The following ERBB4 variants were observed in gnomAD, a reference collection of about 807,000 sequenced individuals.
The protein encoded by ERBB4 is receptor tyrosine-protein kinase erbB-4.
ERBB4 carries 42 observed loss-of-function variants against 158.0 expected under a neutral mutation model. The ratio of observed to expected loss-of-function variants is 0.27; its 90% confidence interval spans 0.21 to 0.34. The LOEUF (loss-of-function observed/expected upper bound fraction) is 0.34. Among genes scored for constraint, ERBB4 ranks in the 10% least tolerant of loss-of-function variants. The pLI, the probability that ERBB4 is intolerant of heterozygous loss-of-function variation, is 1.00. For synonymous variants in ERBB4, 583 were observed against 558.7 expected (o/e 1.04, Z -0.61); for missense variants, 1,333 against 1,624.1 (o/e 0.82, Z 3.08).
chr2:211,602,310 G>A (rs969652449), intron 19 of ERBB4, among the ~76,000 whole-genome samples: 2 of 152,044 alleles, frequency 1.3e-5, no homozygotes, highest in South Asian at 4.1e-4. Context: ...CAGTGCAGGT[G>A]CTTGGACTCT....
chr2:212,527,231 TAG>T (rs1348749970), intron 1 of ERBB4, among the ~76,000 whole-genome samples: 1 of 151,868 alleles, frequency 6.6e-6, no homozygotes, highest in Admixed American at 6.6e-5. Flanking sequence ...TACTCATATT[TAG>T]AGAGAAAATA....
chr2:212,183,222 C>G (rs1014761489), intron 1 of ERBB4, among the ~76,000 whole-genome samples: 6 of 151,822 alleles, frequency 4.0e-5, no homozygotes, highest in Non-Finnish European at 8.8e-5. Flanking sequence ...ACCATAGACA[C>G]TTGAGGTTGT....
At chr2:212,035,577 C>T (rs562444833) in intron 2 of ERBB4, among the ~76,000 whole-genome samples, 1 of 152,300 alleles carries the variant, frequency 6.6e-6, no homozygotes, top group Non-Finnish European at 1.5e-5. Context: ...ACTCTTCACC[C>T]ATGTCACACT....
At chr2:211,436,120 C>T (rs573809432) in intron 20 of ERBB4, among the ~76,000 whole-genome samples, 38 of 152,198 alleles carry the variant, frequency 2.5e-4, no homozygotes, top group African/African-American at 8.2e-4. Context: ...CTGCATCCAG[C>T]CACTTGAAGT....
intron 5 of ERBB4, among the ~76,000 whole-genome samples, chr2:211,729,456 A>G (rs951379395): frequency 2.4e-4 from 36 of 151,830 alleles, no homozygotes; most frequent in African/African-American, 8.5e-4. Context: ...GTAGGCAAAA[A>G]GAACAAAACA....
intron 2 of ERBB4, among the ~76,000 whole-genome samples, chr2:211,992,564 A>AG (rs770115021): frequency 0.01 from 688 of 68,258 alleles, 14 homozygotes; most frequent in Non-Finnish European, 0.016. Context: ...AGAGAGAGAG[A>AG]GAGAAAAAAA....
At chr2:212,518,198 GATAAGCACA>G (rs1262981301) in intron 1 of ERBB4, among the ~76,000 whole-genome samples, 4 of 151,972 alleles carry the variant, frequency 2.6e-5, no homozygotes, top group African/African-American at 9.7e-5. Flanking sequence ...TGATTTTCTA[GATAAGCACA>G]ATAAGCACAC....
chr2:211,773,637 T>TA (rs2075790759), intron 4 of ERBB4, among the ~76,000 whole-genome samples: 1 of 91,764 alleles, frequency 1.1e-5, no homozygotes, highest in Admixed American at 1.2e-4. Context: ...TATATATATA[T>TA]ATATATATAT....
At chr2:211,947,312 T>C (rs1003178126) in intron 3 of ERBB4, 118 bp downstream of exon 3, 9 of 815,814 alleles carry the variant, frequency 1.1e-5, no homozygotes, top group African/African-American at 3.4e-5. Context: ...AATAAATCAC[T>C]GATATTTAAA....
At chr2:211,396,791 T>A in intron 25 of ERBB4, among the ~76,000 whole-genome samples, 1 of 152,194 alleles carries the variant, frequency 6.6e-6, no homozygotes, top group Admixed American at 6.6e-5. Flanking sequence ...TGAAAATATC[T>A]TCAGTTATGC....
intron 12 of ERBB4, among the ~76,000 whole-genome samples, chr2:211,683,639 A>G (rs901557467): frequency 6.6e-6 from 1 of 152,032 alleles, no homozygotes; most frequent in African/African-American, 2.4e-5. Flanking sequence ...GGCTACTATA[A>G]ACATTTGTGT....
At position 212,186,270 on chromosome 2, in the gene ERBB4, A is replaced by C. The variant is rs140366096; in HGVS notation, c.83-61367T>G. On this transcript the variant is annotated intron_variant, in intron 1 of 27. Coordinates refer to ENST00000342788, the MANE Select transcript of ERBB4 (RefSeq NM_005235.3). ...CTACCTTGTGCCATCTTTGTTAAGC[A>C]ATCTCCGTTCTTGGCTGCCCACATT... Among the ~76,000 whole-genome samples, 71 of 152,248 alleles carry C rather than the reference A, an allele frequency of 4.7e-4. No individual in the cohort carries two copies. The South Asian group carries it at 0.014, about 29-fold the overall frequency.
In ERBB4 at chr2:211,381,110, T is replaced by C. The variant is rs1005226875; in HGVS notation, c.*2505A>G. ...GATAGGAGAGCCCTGAGCTATTAGA[T>C]TGTGGCCCCTGAATCACTCTGTGTC... On this transcript the variant is annotated 3_prime_UTR_variant, in exon 28 of 28. Coordinates refer to ENST00000342788, the MANE Select transcript of ERBB4 (RefSeq NM_005235.3). The C allele has an allele frequency of 1.3e-5, 3 of 232,392 alleles. No homozygotes were observed. Among genetic ancestry groups the C allele is most frequent in the East Asian group, 6.1e-5 (1 of 16,484 alleles). 14.4% of individuals were successfully genotyped at this position (232,392 alleles called of 1,614,324 possible). A position where few individuals can be genotyped will look rare whatever the true frequency, so the allele number is the denominator to read the frequency against.
At chr2:211,867,048 AAAAG>A (rs75863750) in intron 3 of ERBB4, among the ~76,000 whole-genome samples, 2 of 150,510 alleles carry the variant, frequency 1.3e-5, no homozygotes. Context: ...AAAAAAAAAA[AAAAG>A]ATCGTGTTCT....
intron 1 of ERBB4, among the ~76,000 whole-genome samples, chr2:212,263,048 A>C (rs116530927): frequency 6.6e-6 from 1 of 152,280 alleles, no homozygotes; most frequent in African/African-American, 2.4e-5. Context: ...GTGGGCCCTA[A>C]ATCTTTTGAA....
At chr2:211,578,967 A>G (rs182404708) in intron 19 of ERBB4, among the ~76,000 whole-genome samples, 141 of 152,336 alleles carry the variant, frequency 9.3e-4, no homozygotes, top group African/African-American at 3.2e-3. Context: ...TAACTAAACT[A>G]AAGATCTTCT....
chr2:212,478,774 T>C (rs1689536978), intron 1 of ERBB4, among the ~76,000 whole-genome samples: 1 of 151,910 alleles, frequency 6.6e-6, no homozygotes, highest in African/African-American at 2.4e-5. Context: ...CTGGATAAGG[T>C]CACCAGTTTC....
chr2:211,763,858 G>C (rs1015778661), intron 4 of ERBB4, among the ~76,000 whole-genome samples: 1 of 151,148 alleles, frequency 6.6e-6, no homozygotes, highest in East Asian at 1.9e-4. Context: ...CTGTCAAAGG[G>C]ACTTGCTGTT....
At chr2:211,949,004 G>T (rs2080794422) in intron 2 of ERBB4, among the ~76,000 whole-genome samples, 2 of 151,950 alleles carry the variant, frequency 1.3e-5, no homozygotes, top group Non-Finnish European at 2.9e-5. Flanking sequence ...CTCAGTTCAG[G>T]TTATTCCATC....
Sources: allele counts gnomAD v4.1 joint callset (sites outside exome capture counted in the v4.1 genomes callset), GRCh38; gene constraint gnomAD v4.1.1; transcripts MANE v1.5; gene names NCBI Gene and HGNC (gene_info 2026-07-23, HGNC 2026-07-21).